Variants in SSBP2 observed in about 807,000 individuals in gnomAD.
SSBP2 encodes the protein single-stranded DNA-binding protein 2.
A neutral mutation model predicts 61.8 loss-of-function variants in SSBP2; 17 were observed. The observed-to-expected ratio is 0.28, with a 90% confidence interval of 0.19 to 0.41. The LOEUF (loss-of-function observed/expected upper bound fraction) is 0.41. SSBP2 is among the 10% of genes least tolerant of loss of function. SSBP2 has a pLI of 1.00. For missense variants in SSBP2, 310 were observed against 458.7 expected, an observed-to-expected ratio of 0.68 and a Z score of 2.96; for synonymous variants, 139 against 141.3, an observed-to-expected ratio of 0.98 and a Z score of 0.12.
chr5:81,672,220 A>G, intron 1 of SSBP2, among the ~76,000 whole-genome samples: 1 of 151,982 alleles, frequency 6.6e-6, no homozygotes, highest in South Asian at 2.1e-4. Flanking sequence ...TTATTTTTCA[A>G]CTTACAGTAA....
At chr5:81,682,837 T>A (rs1185994151) in intron 1 of SSBP2, among the ~76,000 whole-genome samples, 1 of 152,132 alleles carries the variant, frequency 6.6e-6, no homozygotes, top group East Asian at 1.9e-4. Context: ...AACACAAGAT[T>A]AACAGAAAAA....
chr5:81,491,788 C>T (rs995829397), intron 5 of SSBP2, among the ~76,000 whole-genome samples: 4 of 152,038 alleles, frequency 2.6e-5, no homozygotes, highest in Non-Finnish European at 2.9e-5. Context: ...ACAAAACAAT[C>T]GGTTAATATA....
chr5:81,622,348 C>T lies in SSBP2; in HGVS notation c.198-6791G>A, dbSNP rs80331980. ...TATAAATAAAGGCAATTACAATTAT[C>T]GATAGAGTTATTTTTTTATTCCACA... On this transcript the variant is annotated intron_variant, in intron 3 of 16. Coordinates refer to ENST00000320672, the MANE Select transcript of SSBP2 (RefSeq NM_012446.5). Among the ~76,000 whole-genome samples, 1,235 of 152,138 alleles carry T rather than the reference C, an allele frequency of 8.1e-3. 12 individuals carry two copies. The highest frequency in any genetic ancestry group is 0.028 in the African/African-American group (1,152 of 41,500).
intron 4 of SSBP2, among the ~76,000 whole-genome samples, chr5:81,520,286 A>G (rs1769368230): frequency 6.6e-6 from 1 of 152,052 alleles, no homozygotes; most frequent in Admixed American, 6.6e-5. Context: ...CGCCTGGTCT[A>G]TTTTCCCCTT....
chr5:81,684,558 C>T (rs1278841376), intron 1 of SSBP2, among the ~76,000 whole-genome samples: 1 of 152,066 alleles, frequency 6.6e-6, no homozygotes, highest in African/African-American at 2.4e-5. Flanking sequence ...TTGTGAGACA[C>T]GGAGTCAAAG....
intron 12 of SSBP2, among the ~76,000 whole-genome samples, chr5:81,444,612 A>C (rs1349371361): frequency 6.6e-6 from 1 of 152,204 alleles, no homozygotes; most frequent in East Asian, 1.9e-4. Context: ...TGTTGGAATA[A>C]ACTCAATCAC....
chr5:81,654,837 G>T (rs985432876), intron 1 of SSBP2, among the ~76,000 whole-genome samples: 4 of 152,010 alleles, frequency 2.6e-5, no homozygotes, highest in Admixed American at 6.6e-5. Context: ...CCAAACAGAA[G>T]AACTCAACAT....
chr5:81,602,154 A>G (rs1480612876), intron 4 of SSBP2, among the ~76,000 whole-genome samples: 1 of 152,116 alleles, frequency 6.6e-6, no homozygotes, highest in Non-Finnish European at 1.5e-5. Context: ...TAAAAAAAGT[A>G]GCCCATGTTT....
intron 6 of SSBP2, among the ~76,000 whole-genome samples, chr5:81,481,563 T>C (rs1765989595): frequency 6.7e-6 from 1 of 149,420 alleles, no homozygotes; most frequent in Non-Finnish European, 1.5e-5. Context: ...GAGGTTGCAG[T>C]GAGCCGAGAT....
chr5:81,498,021 T>C (rs1767420796), intron 5 of SSBP2, among the ~76,000 whole-genome samples: 2 of 152,122 alleles, frequency 1.3e-5, no homozygotes, highest in Admixed American at 1.3e-4. Flanking sequence ...GCCATGTTTA[T>C]AACTGGGAAC....
At chr5:81,728,720 G>T (rs1309654713) in intron 1 of SSBP2, among the ~76,000 whole-genome samples, 1 of 152,170 alleles carries the variant, frequency 6.6e-6, no homozygotes, top group African/African-American at 2.4e-5. Flanking sequence ...TTGCTTGATT[G>T]ATGTCTGAAT....
chr5:81,548,125 G>A (rs770075466), intron 4 of SSBP2, among the ~76,000 whole-genome samples: 4 of 152,176 alleles, frequency 2.6e-5, no homozygotes, highest in Admixed American at 6.5e-5. Flanking sequence ...TCTTTTTGCT[G>A]TTGGAGGGTC....
intron 1 of SSBP2, among the ~76,000 whole-genome samples, chr5:81,703,623 T>C (rs1304567960): frequency 6.6e-6 from 1 of 152,226 alleles, no homozygotes; most frequent in East Asian, 1.9e-4. Flanking sequence ...TTAAATTCAG[T>C]TGTTTAAATT....
In SSBP2 at chr5:81,420,534, C is replaced by T; in HGVS notation, c.1057-1G>A. 6.2e-7 allele frequency: 1 copy of T among 1,613,216 alleles called. No homozygotes were observed. Among genetic ancestry groups the T allele is most frequent in the Non-Finnish European group, 8.5e-7 (1 of 1,179,340 alleles). On this transcript the variant is annotated splice_acceptor_variant, in intron 16 of 16. Transcript: ENST00000320672. LOFTEE classifies it high-confidence loss of function. ...CGCTCATTGTCATGCTAGGGGAGTA[C>T]TAGAAGGAAAGAAGAATCCATATTT...
chr5:81,608,816 G>A (rs1745145979), intron 4 of SSBP2, among the ~76,000 whole-genome samples: 1 of 152,066 alleles, frequency 6.6e-6, no homozygotes, highest in South Asian at 2.1e-4. Context: ...CTATTTTAAT[G>A]CTTTTGGAAA....
At chr5:81,653,202 G>A (rs1179890675) in intron 1 of SSBP2, among the ~76,000 whole-genome samples, 2 of 151,934 alleles carry the variant, frequency 1.3e-5, no homozygotes, top group Non-Finnish European at 2.9e-5. Context: ...GTGGTGTTTG[G>A]TTTTCTGTTC....
intron 15 of SSBP2, among the ~76,000 whole-genome samples, chr5:81,432,983 G>A (rs1454250183): frequency 1.4e-5 from 1 of 73,762 alleles, no homozygotes; most frequent in Non-Finnish European, 3.0e-5. Context: ...GGAGGGAGGT[G>A]GGGGGGGTCA....
At chr5:81,603,730 C>T (rs1349457435) in intron 4 of SSBP2, among the ~76,000 whole-genome samples, 2 of 152,118 alleles carry the variant, frequency 1.3e-5, no homozygotes, top group Admixed American at 6.5e-5. Flanking sequence ...ATTATGACAA[C>T]TATTCGTTAT....
chr5:81,751,031 T>G lies in SSBP2; in HGVS notation c.12A>C (p.Lys4Asn). 6.3e-7 allele frequency: 1 copy of G among 1,598,488 alleles called. No homozygotes were observed. Among genetic ancestry groups the G allele is most frequent in the Non-Finnish European group, 8.5e-7 (1 of 1,172,632 alleles). Residue 4 changes from lysine (K) to asparagine (N), a missense_variant, in exon 1 of 17, where the codon AAA (lysine) becomes AAC (asparagine). Coordinates refer to ENST00000320672, the MANE Select transcript of SSBP2 (RefSeq NM_012446.5). ...GGACGGCGCTGCTGTTACTCTTGCC[T>G]TTGCCGTACATGCTTGTGCCGAGAG...
Sources: allele counts gnomAD v4.1 joint callset (sites outside exome capture counted in the v4.1 genomes callset), GRCh38; gene constraint gnomAD v4.1.1; transcripts MANE v1.5; gene names NCBI Gene and HGNC (gene_info 2026-07-23, HGNC 2026-07-21).